Variants in EIF5A observed in about 807,000 individuals in gnomAD.
EIF5A encodes eukaryotic translation initiation factor 5A-1.
In EIF5A, 1 loss-of-function variant was observed where a neutral mutation model predicts 16.6. That is an observed-to-expected ratio of 0.06 (90% CI 0.02 to 0.28). EIF5A has a LOEUF of 0.28. Ranked by LOEUF, EIF5A falls within the 10% of genes least tolerant of loss-of-function variation. The probability of loss-of-function intolerance (pLI) is 1.00; values close to 1 mark genes in which losing one functional copy is unlikely to be tolerated. For missense variants in EIF5A, 29 were observed against 196.1 expected, an observed-to-expected ratio of 0.15 and a Z score of 5.09; for synonymous variants, 80 against 73.6, an observed-to-expected ratio of 1.09 and a Z score of -0.44.
chr17:7,307,016 G>C (rs374120327), upstream of EIF5A: 10 of 1,565,516 alleles, frequency 6.4e-6, no homozygotes, highest in African/African-American at 2.7e-5. Flanking sequence ...TAGCGCGCTA[G>C]AAGAGTGGGG....
Position 7,309,393 on chromosome 17 carries a change from T to G in EIF5A, c.-21-222T>G, listed in dbSNP as rs577221163. Among the ~76,000 whole-genome samples the G allele has an allele frequency of 2.6e-5, 4 of 152,246 alleles. No homozygotes were observed. In the East Asian group the frequency reaches 5.8e-4, roughly 22 times the overall value. On this transcript the variant is annotated intron_variant, in intron 1 of 5. Coordinates refer to ENST00000336458, the MANE Select transcript of EIF5A (RefSeq NM_001970.5). ...CCTTTCCCAAGCCACCACTTTAGCT[T>G]TGATTTATGGGGGAGAAACCAGCTA... is the stretch of plus-strand genomic sequence containing the variant.
rs2072811246 is a variant in EIF5A at position 7,311,083 on chromosome 17, T to C, written c.231T>C (p.His77=). The C allele has an allele frequency of 1.9e-6, 3 of 1,613,840 alleles. No homozygotes were observed. The highest frequency in any genetic ancestry group is 2.5e-6 in the Non-Finnish European group (3 of 1,179,806). The change falls in exon 3 of 6, where the codon CAT becomes CAC. Residue 77 remains histidine, a synonymous_variant. Transcript: ENST00000336458. ...KKYEDICPST[H]NMDVPNIKRN... Reference sequence around the variant, plus strand: ...ATGAAGATATCTGCCCGTCAACTCATAATATGGATGTCCCCAACATCAAAA... The same window carrying C: ...ATGAAGATATCTGCCCGTCAACTCACAATATGGATGTCCCCAACATCAAAA...
chr17:7,307,231 C>A, upstream of EIF5A: 1 of 1,286,470 alleles, frequency 7.8e-7, no homozygotes, highest in Non-Finnish European at 1.1e-6. Flanking sequence ...GTACTGACGG[C>A]GTCTGAGGTG....
At chr17:7,308,395 G>T in intron 1 of EIF5A, 1 of 1,231,202 alleles carries the variant, frequency 8.1e-7, no homozygotes, top group Non-Finnish European at 1.0e-6. Context: ...CCCCTAGCGC[G>T]GGGAGCTAGT....
chr17:7,308,247 C>G (rs1414636556), intron 1 of EIF5A: 1 of 1,042,104 alleles, frequency 9.6e-7, no homozygotes, highest in Non-Finnish European at 1.2e-6. Flanking sequence ...GAAGTGCCCC[C>G]CACGGGAGGC....
rs926192779 is a variant in EIF5A, at chr17:7,310,352, T to G, written c.165+552T>G. 1.9e-5 allele frequency: 23 copies of G among 1,224,808 alleles called. No homozygotes were observed. In the African/African-American group the frequency reaches 3.5e-4, roughly 19 times the overall value. 75.9% of individuals were successfully genotyped at this position (1,224,808 alleles called of 1,614,324 possible). On this transcript the variant is annotated intron_variant, in intron 2 of 5. Coordinates refer to ENST00000336458, the MANE Select transcript of EIF5A (RefSeq NM_001970.5). ...CCTTGGGTTCCTTGAGCCTCCATGC[T>G]TTCATGGGTTTTAACATTCTTGCTA...
At chr17:7,309,182 T>C (rs1352664411) in intron 1 of EIF5A, among the ~76,000 whole-genome samples, 357 of 133,476 alleles carry the variant, frequency 2.7e-3, no homozygotes, top group East Asian at 9.7e-3. Context: ...GTCTCCACCC[T>C]CCCCCCCCCC....
intron 2 of EIF5A, chr17:7,310,027 C>T (rs1392395211): frequency 7.3e-6 from 11 of 1,507,486 alleles, no homozygotes; most frequent in Non-Finnish European, 9.7e-6. Context: ...CTCTGGCAGT[C>T]CCTCCGTTTC....
intron 1 of EIF5A, chr17:7,308,218 G>T (rs906326688): frequency 8.0e-5 from 82 of 1,030,304 alleles, no homozygotes; most frequent in Non-Finnish European, 4.6e-5. Flanking sequence ...TCTCTGAGGA[G>T]GGGGCGGCCG....
At chr17:7,310,204 G>A in intron 2 of EIF5A, 1 of 1,291,462 alleles carries the variant, frequency 7.7e-7, no homozygotes, top group African/African-American at 1.5e-5. Context: ...GCCTTCCCCT[G>A]GAGGGACTCC....
chr17:7,308,052 T>G (rs2072680089), intron 1 of EIF5A: 9 of 983,974 alleles, frequency 9.1e-6, no homozygotes, highest in Non-Finnish European at 1.1e-5. Context: ...AGGGGCCAGA[T>G]CGGCCCACCG....
upstream of EIF5A, chr17:7,307,091 C>T: frequency 6.2e-7 from 1 of 1,602,200 alleles, no homozygotes; most frequent in Non-Finnish European, 8.5e-7. Context: ...GGCGCCCACC[C>T]CACAGAGCAA....
intron 2 of EIF5A, 197 bp downstream of exon 2, chr17:7,309,997 C>CGCATCAGCCT (rs1175720870): frequency 1.3e-6 from 2 of 1,527,080 alleles, no homozygotes; most frequent in Admixed American, 3.9e-5. Flanking sequence ...CTGTGGTTAC[C>CGCATCAGCCT]CTTCTGTCCC....
upstream of EIF5A, chr17:7,307,245 G>A (rs2072650684): frequency 3.2e-6 from 4 of 1,256,722 alleles, no homozygotes; most frequent in Non-Finnish European, 4.3e-6. Flanking sequence ...TGAGGTGGAA[G>A]GGGTTGTTTA....
intron 1 of EIF5A, 51 bp downstream of exon 1, chr17:7,307,803 G>A (rs2072669937): frequency 1.0e-6 from 1 of 980,770 alleles, no homozygotes; most frequent in Non-Finnish European, 1.2e-6. Flanking sequence ...GGGCCCGGGA[G>A]AAGATGGAAC....
intron 1 of EIF5A, among the ~76,000 whole-genome samples, chr17:7,309,030 T>C (rs993970144): frequency 2.0e-5 from 3 of 152,182 alleles, no homozygotes; most frequent in African/African-American, 4.8e-5. Context: ...ACAACTTTGC[T>C]TTCTCCCCCT....
intron 2 of EIF5A, chr17:7,310,619 C>T (rs1300809976): frequency 3.0e-6 from 3 of 985,270 alleles, no homozygotes; most frequent in Non-Finnish European, 3.6e-6. Flanking sequence ...TTTCACATTT[C>T]TTAGTTTCTT....
intron 1 of EIF5A, chr17:7,308,241 T>C (rs1335815550): frequency 9.8e-7 from 1 of 1,021,112 alleles, no homozygotes; most frequent in Non-Finnish European, 1.2e-6. Flanking sequence ...GCACCGGAAG[T>C]GCCCCCCACG....
chr17:7,310,849 TC>T, intron 2 of EIF5A, 168 bp from the exon 3 acceptor site: 1 of 985,436 alleles, frequency 1.0e-6, no homozygotes, highest in Non-Finnish European at 1.2e-6. Context: ...CTGTTTTTTT[TC>T]TTTAAGAGGC....
Sources: gnomAD v4.1 joint callset for allele counts (sites outside exome capture counted in the v4.1 genomes callset) on GRCh38, gnomAD v4.1.1 for gene constraint, MANE v1.5 for transcripts, NCBI Gene and HGNC (gene_info 2026-07-23, HGNC 2026-07-21) for gene names.